ATP8A2: variants seen among roughly 807,000 people sequenced by gnomAD.
ATP8A2 encodes the protein ATPase phospholipid transporting 8A2.
A neutral mutation model predicts 165.6 loss-of-function variants in ATP8A2; 100 were observed. That is an observed-to-expected ratio of 0.60 (90% CI 0.51 to 0.71). The LOEUF (loss-of-function observed/expected upper bound fraction) is 0.71, where lower values mean the gene tolerates loss of function less well. Ranked by LOEUF, ATP8A2 falls within the 30% of genes least tolerant of loss-of-function variation. The pLI is 0.00. For missense variants in ATP8A2, 1,227 were observed against 1,479.5 expected, an observed-to-expected ratio of 0.83 and a Z score of 2.80; for synonymous variants, 543 against 548.8, an observed-to-expected ratio of 0.99 and a Z score of 0.15.
rs142746998 is a variant in ATP8A2, at chr13:25,618,041, G to T, written c.2211+28342G>T. 9.2e-5 allele frequency among the ~76,000 whole-genome samples: 14 copies of T among 152,256 alleles called. 1 individual carries two copies. In the East Asian group the frequency reaches 2.5e-3, roughly 27 times the overall value. The stretch of plus-strand genomic sequence containing the variant: ...GACCGTGAGTGTGAATGGATGTTTA[G>T]GTGGCAATTGGAAAGATTTCCCAGT... On this transcript the variant is annotated intron_variant, in intron 24 of 36. Transcript: ENST00000381655.
At chr13:25,961,694 G>T (rs762953897) in intron 34 of ATP8A2, 31 bp downstream of exon 34, 24 of 1,507,692 alleles carry the variant, frequency 1.6e-5, no homozygotes, top group Non-Finnish European at 2.2e-5. Flanking sequence ...GGGACCCTAA[G>T]TCTGGCTCAT....
chr13:25,466,080 A>G (rs2035660525), intron 1 of ATP8A2, among the ~76,000 whole-genome samples: 2 of 151,984 alleles, frequency 1.3e-5, no homozygotes, highest in Non-Finnish European at 2.9e-5. Flanking sequence ...CCCCTTTGCC[A>G]TCACTGCCAG....
intron 12 of ATP8A2, 100 bp from the exon 13 acceptor site, chr13:25,554,891 T>G: frequency 1.3e-6 from 1 of 782,618 alleles, no homozygotes; most frequent in Non-Finnish European, 2.0e-6. Context: ...ATAAAAGGGT[T>G]TTAGATTACC....
intron 1 of ATP8A2, among the ~76,000 whole-genome samples, chr13:25,404,579 T>G (rs2033739862): frequency 6.6e-6 from 1 of 151,996 alleles, no homozygotes; most frequent in Non-Finnish European, 1.5e-5. Context: ...GCAGTGGATG[T>G]GCATCTGAGA....
At chr13:25,769,823 T>A (rs1042560895) in intron 26 of ATP8A2, among the ~76,000 whole-genome samples, 1 of 152,186 alleles carries the variant, frequency 6.6e-6, no homozygotes, top group Non-Finnish European at 1.5e-5. Flanking sequence ...GCAATCAGCC[T>A]CCTGCAGTTA....
chr13:25,909,238 G>C (rs1462716626), intron 33 of ATP8A2, among the ~76,000 whole-genome samples: 1 of 151,968 alleles, frequency 6.6e-6, no homozygotes, highest in Non-Finnish European at 1.5e-5. Context: ...TAGTCAACAA[G>C]GTATTATATA....
At position 26,025,042 on chromosome 13, in the gene ATP8A2, A is replaced by G. The variant is rs1266109353; in HGVS notation, c.*5057A>G. On this transcript the variant is annotated 3_prime_UTR_variant, in exon 37 of 37. Coordinates refer to ENST00000381655, the MANE Select transcript of ATP8A2 (RefSeq NM_016529.6). ...AGGCTGCGAACTCACTTCCAATGGG[A>G]TTGGAGTCTGTTGTATTCTTAAGAG... 1.4e-5 allele frequency: 2 copies of G among 143,070 alleles called. No homozygotes were observed. Among genetic ancestry groups the G allele is most frequent in the African/African-American group, 5.2e-5 (2 of 38,748 alleles). The allele number at this position is 143,070 out of a possible 1,614,324, so 8.9% of individuals were successfully genotyped here.
intron 27 of ATP8A2, among the ~76,000 whole-genome samples, chr13:25,790,153 A>T (rs1164834564): frequency 6.6e-6 from 1 of 152,220 alleles, no homozygotes. Flanking sequence ...ACCATTCTGG[A>T]CATAGGAATG....
chr13:25,813,382 T>TATATGATATG (rs57194469), intron 27 of ATP8A2, among the ~76,000 whole-genome samples: 21,312 of 147,080 alleles, frequency 0.14, 1,649 homozygotes, highest in South Asian at 0.23. Flanking sequence ...AGGATGATGA[T>TATATGATATG]ATATGATATG....
rs2043062711 is a variant in ATP8A2 at position 25,706,792 on chromosome 13, G to A, written c.2384+7447G>A. On this transcript the variant is annotated intron_variant, in intron 25 of 36. Transcript: ENST00000381655. The stretch of plus-strand genomic sequence containing the variant: ...TGTCGAGGCTGTAAGTCTATCCTTG[G>A]GCTGTTTGATTGTGGCTTAGTATAT... 2.6e-5 allele frequency among the ~76,000 whole-genome samples: 4 copies of A among 152,006 alleles called. No homozygotes were observed. The South Asian group carries it at 6.2e-4, about 24-fold the overall frequency.
intron 25 of ATP8A2, 78 bp downstream of exon 25, chr13:25,699,423 T>C: frequency 8.8e-7 from 1 of 1,134,360 alleles, no homozygotes; most frequent in East Asian, 2.8e-5. Context: ...AAGGGATGCA[T>C]GGGAATTCTA....
intron 24 of ATP8A2, among the ~76,000 whole-genome samples, chr13:25,624,116 T>A (rs1056944686): frequency 6.6e-6 from 1 of 152,188 alleles, no homozygotes; most frequent in Non-Finnish European, 1.5e-5. Context: ...AATTGGACTC[T>A]CCAAGAAGGG....
intron 27 of ATP8A2, among the ~76,000 whole-genome samples, chr13:25,799,891 A>G (rs1054677229): frequency 6.6e-6 from 1 of 152,228 alleles, no homozygotes; most frequent in Non-Finnish European, 1.5e-5. Context: ...GCTGTTTCCA[A>G]TAGAGCACTC....
intron 1 of ATP8A2, among the ~76,000 whole-genome samples, chr13:25,376,959 G>C (rs1307804714): frequency 6.6e-6 from 1 of 152,168 alleles, no homozygotes; most frequent in Non-Finnish European, 1.5e-5. Flanking sequence ...ACCTTCTGTT[G>C]AAAGAAGTCC....
Position 26,020,247 on chromosome 13 carries a change from G to A in ATP8A2, c.*262G>A, listed in dbSNP as rs1957062992. On this transcript the variant is annotated 3_prime_UTR_variant, in exon 37 of 37. Coordinates refer to ENST00000381655, the MANE Select transcript of ATP8A2 (RefSeq NM_016529.6). ...TTATGTCGTTATGAAGCATTCAACT[G>A]TGCTCTGTGAGGTGTGAAATTAAAA... 1 of 503,530 alleles carries A rather than the reference G, an allele frequency of 2.0e-6. No individual in the cohort carries two copies. The highest frequency in any genetic ancestry group is 1.9e-5 in the African/African-American group (1 of 51,864). 31.2% of individuals were successfully genotyped at this position (503,530 alleles called of 1,614,324 possible). A position where few individuals can be genotyped will look rare whatever the true frequency, so the allele number is the denominator to read the frequency against.
chr13:25,935,345 T>A (rs961785576), intron 33 of ATP8A2, among the ~76,000 whole-genome samples: 6 of 152,182 alleles, frequency 3.9e-5, no homozygotes, highest in Non-Finnish European at 8.8e-5. Flanking sequence ...ATGAGTTTAG[T>A]CAACTTCCCC....
chr13:25,686,051 G>A (rs2137831704), intron 24 of ATP8A2, among the ~76,000 whole-genome samples: 1 of 152,340 alleles, frequency 6.6e-6, no homozygotes, highest in Non-Finnish European at 1.5e-5. Flanking sequence ...CTTGGTGTGA[G>A]TACCTGGAAG....
chr13:25,686,184 T>C (rs1326957988), intron 24 of ATP8A2, among the ~76,000 whole-genome samples: 1 of 152,050 alleles, frequency 6.6e-6, no homozygotes, highest in Non-Finnish European at 1.5e-5. Flanking sequence ...AGGAACTCAG[T>C]TTGGGGCATG....
chr13:25,736,773 A>G (rs550523961), intron 25 of ATP8A2, among the ~76,000 whole-genome samples: 1 of 152,278 alleles, frequency 6.6e-6, no homozygotes, highest in African/African-American at 2.4e-5. Flanking sequence ...CCTGGTCTAG[A>G]TGATTATCAA....
Sources: gnomAD v4.1 joint callset for allele counts (sites outside exome capture counted in the v4.1 genomes callset) on GRCh38, gnomAD v4.1.1 for gene constraint, MANE v1.5 for transcripts, NCBI Gene and HGNC (gene_info 2026-07-23, HGNC 2026-07-21) for gene names.